The following MTM1 variants were observed in gnomAD, a reference collection of about 807,000 sequenced individuals.
MTM1 encodes the protein myotubularin.
MTM1 carries 9 observed loss-of-function variants against 52.1 expected under a neutral mutation model. That is an observed-to-expected ratio of 0.17 (90% CI 0.10 to 0.30). The LOEUF (loss-of-function observed/expected upper bound fraction) is 0.30. Ranked by LOEUF, MTM1 falls within the 10% of genes least tolerant of loss-of-function variation. The probability of loss-of-function intolerance (pLI) is 1.00; values close to 1 mark genes in which losing one functional copy is unlikely to be tolerated. For missense variants in MTM1, 277 were observed against 470.7 expected (o/e 0.59, Z 3.81); for synonymous variants, 136 against 163.8 (o/e 0.83, Z 1.29).
intron 1 of MTM1, among the ~76,000 whole-genome samples, chrX:150,586,172 A>G (rs988444345): frequency 8.0e-5 from 9 of 112,337 alleles, no homozygotes; most frequent in Non-Finnish European, 9.4e-5. Context: ...GCATCATATA[A>G]TTTTCAAAGA....
chrX:150,669,880 G>A (rs1298838501), intron 14 of MTM1, among the ~76,000 whole-genome samples: 3 of 111,977 alleles, frequency 2.7e-5, no homozygotes, highest in African/African-American at 9.7e-5. Context: ...AGTTTAATTA[G>A]ATCCCATTTG....
chrX:150,626,609 A>T (rs1265603742), intron 6 of MTM1, among the ~76,000 whole-genome samples: 1 of 112,018 alleles, frequency 8.9e-6, no homozygotes, highest in Non-Finnish European at 1.9e-5. Context: ...CGTCCAGCCA[A>T]CATAGGATGT....
chrX:150,596,709 C>G, intron 3 of MTM1, 139 bp downstream of exon 3: 1 of 480,374 alleles, frequency 2.1e-6, no homozygotes, highest in Admixed American at 3.1e-5. Context: ...ACACAGAACT[C>G]TCTGCATCCC....
At chrX:150,570,443 G>A (rs1458205875) in intron 1 of MTM1, among the ~76,000 whole-genome samples, 2 of 111,432 alleles carry the variant, frequency 1.8e-5, no homozygotes, top group South Asian at 3.8e-4. Flanking sequence ...AGATTTTTTG[G>A]AGTCATCATT....
At chrX:150,640,835 A>C (rs1008330087) in intron 7 of MTM1, among the ~76,000 whole-genome samples, 1 of 110,974 alleles carries the variant, frequency 9.0e-6, no homozygotes, top group Admixed American at 9.6e-5. Context: ...CATTCACTCT[A>C]TTTTGAGCAG....
chrX:150,657,805 T>C lies in MTM1; in HGVS notation c.1054-16T>C. 1 of 1,204,437 alleles carries C rather than the reference T, an allele frequency of 8.3e-7. No individual in the cohort carries two copies. The highest frequency in any genetic ancestry group is 1.1e-6 in the Non-Finnish European group (1 of 889,185). On this transcript the variant is annotated splice_polypyrimidine_tract_variant and intron_variant, in intron 10 of 14. Transcript: ENST00000370396. ...TCTTATAACTCCCTACTGACTCACG[T>C]ATTTTTCTTTGTCAGCTCGTTTTGA...
intron 4 of MTM1, among the ~76,000 whole-genome samples, chrX:150,610,041 C>T (rs1341145327): frequency 5.4e-5 from 6 of 111,922 alleles, no homozygotes; most frequent in African/African-American, 1.9e-4. Flanking sequence ...ATAAACTCTC[C>T]ATGCTTTTCC....
chrX:150,614,580 C>T lies in MTM1; in HGVS notation c.232-9C>T. The T allele has an allele frequency of 9.5e-7, 1 of 1,055,350 alleles. No individual in the cohort carries two copies. Among genetic ancestry groups the T allele is most frequent in the Non-Finnish European group, 1.3e-6 (1 of 755,021 alleles). 87.0% of individuals were successfully genotyped at this position (1,055,350 alleles called of 1,213,427 possible). A position where few individuals can be genotyped will look rare whatever the true frequency, so the allele number is the denominator to read the frequency against. ...GAAATACTGACTACTGTATTTTTGTCCATTACAGGATTCTTCTCTAATACT... is the reference window on the plus strand; with the variant it reads ...GAAATACTGACTACTGTATTTTTGTTCATTACAGGATTCTTCTCTAATACT... On this transcript the variant is annotated splice_polypyrimidine_tract_variant and intron_variant, in intron 4 of 14. Coordinates refer to ENST00000370396, the MANE Select transcript of MTM1 (RefSeq NM_000252.3).
At chrX:150,660,516 T>G (rs1557414655) in intron 13 of MTM1, 32 bp downstream of exon 13, 2 of 911,975 alleles carry the variant, frequency 2.2e-6, no homozygotes, top group East Asian at 3.1e-5. Flanking sequence ...TTTGATACAT[T>G]AGGCTTGCCA....
At chrX:150,600,048 T>C (rs1270712280) in intron 4 of MTM1, among the ~76,000 whole-genome samples, 1 of 111,743 alleles carries the variant, frequency 8.9e-6, no homozygotes, top group African/African-American at 3.3e-5. Flanking sequence ...TAAAGACACC[T>C]GGGCCAAATG....
At chrX:150,591,154 G>A in intron 1 of MTM1, 1 of 298,451 alleles carries the variant, frequency 3.4e-6, no homozygotes, top group Non-Finnish European at 4.5e-6. Context: ...TGTGCTACCT[G>A]TAGGTAGTTT....
intron 1 of MTM1, among the ~76,000 whole-genome samples, chrX:150,575,460 C>CGA (rs2038455199): frequency 8.9e-6 from 1 of 112,382 alleles, no homozygotes; most frequent in Non-Finnish European, 1.9e-5. Flanking sequence ...ACCTGGACTT[C>CGA]GAGTTGAAAC....
chrX:150,570,239 AAT>A (rs1457209737), intron 1 of MTM1, among the ~76,000 whole-genome samples: 4 of 73,942 alleles, frequency 5.4e-5, no homozygotes, highest in Non-Finnish European at 9.6e-5. Flanking sequence ...ACAATAAAAA[AAT>A]AAACAATGAT....
intron 10 of MTM1, among the ~76,000 whole-genome samples, chrX:150,651,377 A>G (rs896538728): frequency 9.0e-6 from 1 of 111,094 alleles, no homozygotes; most frequent in African/African-American, 3.3e-5. Flanking sequence ...CTTATTATTA[A>G]TAAAGTTCAT....
intron 14 of MTM1, among the ~76,000 whole-genome samples, chrX:150,664,027 G>A (rs905460647): frequency 8.9e-6 from 1 of 111,910 alleles, no homozygotes; most frequent in African/African-American, 3.2e-5. Context: ...ACATCAGATT[G>A]CTTTTCACTG....
At chrX:150,609,551 C>T (rs184384753) in intron 4 of MTM1, among the ~76,000 whole-genome samples, 14 of 111,463 alleles carry the variant, frequency 1.3e-4, no homozygotes, top group Non-Finnish European at 2.5e-4. Context: ...TCTGTATATC[C>T]AGCCATCTCC....
At chrX:150,603,773 T>C in intron 4 of MTM1, among the ~76,000 whole-genome samples, 1 of 111,814 alleles carries the variant, frequency 8.9e-6, no homozygotes, top group Non-Finnish European at 1.9e-5. Context: ...CATTAGCATA[T>C]TGGTAGCACT....
At position 150,658,208 on chromosome X, in the gene MTM1, A is replaced by G. The variant is rs782727915; in HGVS notation, c.1260+181A>G. On this transcript the variant is annotated intron_variant, in intron 11 of 14. Transcript: ENST00000370396. Reference sequence around the variant, plus strand: ...GTCTTTTTAAGAGATATGTTTATCCATCTGCACTGTTTGCAGTTTCACTTG... The same window carrying G: ...GTCTTTTTAAGAGATATGTTTATCCGTCTGCACTGTTTGCAGTTTCACTTG... Among the ~76,000 whole-genome samples, 7 of 112,449 alleles carry G rather than the reference A, an allele frequency of 6.2e-5. No individual in the cohort carries two copies. The South Asian group carries it at 2.6e-3, about 41-fold the overall frequency.
chrX:150,573,011 A>G (rs1284624521), intron 1 of MTM1, among the ~76,000 whole-genome samples: 7 of 112,728 alleles, frequency 6.2e-5, no homozygotes, highest in Non-Finnish European at 1.3e-4. Flanking sequence ...TTCATTTTCT[A>G]TGATTGTAAT....
Sources: allele counts gnomAD v4.1 joint callset (sites outside exome capture counted in the v4.1 genomes callset), GRCh38; gene constraint gnomAD v4.1.1; transcripts MANE v1.5; gene names NCBI Gene and HGNC (gene_info 2026-07-23, HGNC 2026-07-21).